The following ERI1 variants were observed in gnomAD, a reference collection of about 807,000 sequenced individuals.
ERI1 encodes 3'-5' exoribonuclease 1.
ERI1 carries 39 observed loss-of-function variants against 39.7 expected under a neutral mutation model. The ratio of observed to expected loss-of-function variants is 0.98; its 90% CI spans 0.76 to 1.28. The LOEUF (loss-of-function observed/expected upper bound fraction) is 1.28, where lower values mean the gene tolerates loss of function less well. Ranked by LOEUF, ERI1 falls within the 50% of genes most tolerant of loss-of-function variation. The pLI is 0.00. For synonymous variants in ERI1, 204 were observed against 149.6 expected (o/e 1.36, Z -2.65); for missense variants, 581 against 416.9 (o/e 1.39, Z -3.43).
Position 9,083,591 on chromosome 8 carries a change from C to T in ERI1, n.300-32757C>T, listed in dbSNP as rs1012503720. Among the ~76,000 whole-genome samples, 3 of 149,770 alleles carry T rather than the reference C, an allele frequency of 2.0e-5. 1 individual carries two copies. Among genetic ancestry groups the T allele is most frequent in the African/African-American group, 7.4e-5 (3 of 40,640 alleles). ...CCTCATGATGCTCACTTTGGCAGCA[C>T]ATATACTAAAATTGAAATGATACAG... On this transcript the variant is annotated intron_variant and non_coding_transcript_variant, in intron 3 of 3. Transcript: ENST00000518663.
intron 2 of ERI1, among the ~76,000 whole-genome samples, chr8:9,008,540 A>G (rs759851588): frequency 1.4e-4 from 22 of 152,218 alleles, no homozygotes; most frequent in Non-Finnish European, 2.4e-4. Context: ...ATCAGGTACA[A>G]TAAATTAAAA....
intron 3 of ERI1, among the ~76,000 whole-genome samples, chr8:9,093,210 G>C (rs970128822): frequency 6.6e-6 from 1 of 152,122 alleles, no homozygotes; most frequent in Admixed American, 6.5e-5. Flanking sequence ...TAATTGTCTT[G>C]GGCCGCACGT....
At position 9,032,794 on chromosome 8, in the gene ERI1, G is replaced by A. The variant is rs1160545883; in HGVS notation, c.*2760G>A. 2 of 152,200 alleles carry A rather than the reference G, an allele frequency of 1.3e-5. No homozygotes were observed. Among genetic ancestry groups the A allele is most frequent in the African/African-American group, 4.8e-5 (2 of 41,440 alleles). 9.4% of individuals were successfully genotyped at this position (152,200 alleles called of 1,614,324 possible). On this transcript the variant is annotated 3_prime_UTR_variant, in exon 7 of 7. Coordinates refer to ENST00000250263, the MANE Select transcript of ERI1 (RefSeq NM_153332.4). ...GAGGGGAAGAAGCACAGGTGGTCAA[G>A]ATAATAATGCATGTTTGGCCTCAGC...
chr8:9,034,641 C>T (rs966699273), downstream of ERI1, among the ~76,000 whole-genome samples: 1 of 152,006 alleles, frequency 6.6e-6, no homozygotes, highest in Non-Finnish European at 1.5e-5. Context: ...CCTCTCCAGA[C>T]CTACCTATTC....
chr8:9,049,485 A>G lies in ERI1; in HGVS notation n.299+29021A>G, dbSNP rs1464792569. On this transcript the variant is annotated intron_variant and non_coding_transcript_variant, in intron 3 of 3. Coordinates refer to the ERI1 transcript ENST00000518663. ...AGGGAGTGCGGGGAGTCCTGCAACT[A>G]GACCTTTGGATCTTGTCTTTATTTG... Among the ~76,000 whole-genome samples the G allele has an allele frequency of 1.3e-5, 2 of 151,610 alleles. 1 individual carries two copies. The highest frequency in any genetic ancestry group is 1.3e-4 in the Admixed American group (2 of 15,204).
chr8:9,039,708 T>C (rs753472552), intron 3 of ERI1, among the ~76,000 whole-genome samples: 5 of 152,204 alleles, frequency 3.3e-5, no homozygotes, highest in Middle Eastern at 3.2e-3. Context: ...GTTAATAATA[T>C]TAACTTTTAC....
chr8:9,013,700 C>T (rs1272158791), intron 3 of ERI1, among the ~76,000 whole-genome samples: 1 of 152,144 alleles, frequency 6.6e-6, no homozygotes, highest in African/African-American at 2.4e-5. Flanking sequence ...ACCTTTTGAA[C>T]TTACCCCAGC....
intron 3 of ERI1, among the ~76,000 whole-genome samples, chr8:9,061,597 G>C (rs998682646): frequency 6.6e-6 from 1 of 152,228 alleles, no homozygotes; most frequent in Non-Finnish European, 1.5e-5. Flanking sequence ...ACACAGTGCT[G>C]TCCCAGCTCT....
At chr8:9,048,988 T>C (rs1798267061) in intron 3 of ERI1, among the ~76,000 whole-genome samples, 1 of 151,696 alleles carries the variant, frequency 6.6e-6, no homozygotes, top group African/African-American at 2.4e-5. Context: ...TCAAGATAGG[T>C]GGAGGTGAGC....
intron 3 of ERI1, among the ~76,000 whole-genome samples, chr8:9,078,056 C>T (rs1009792618): frequency 1.3e-5 from 2 of 152,156 alleles, no homozygotes; most frequent in Admixed American, 1.3e-4. Flanking sequence ...GTGGAGTGAT[C>T]TCGGCTCACT....
intron 2 of ERI1, among the ~76,000 whole-genome samples, chr8:9,010,070 T>G (rs1816501808): frequency 6.6e-6 from 1 of 152,234 alleles, no homozygotes; most frequent in African/African-American, 2.4e-5. Context: ...TGGAGGCATT[T>G]GCCATGCTCA....
rs541982207 is a variant in ERI1, at chr8:9,092,290, T to G, written n.300-24058T>G. On this transcript the variant is annotated intron_variant and non_coding_transcript_variant, in intron 3 of 3. Transcript: ENST00000518663. ...TGTTTCAGCGATGGCATCCCCACAG[T>G]GTGAAGGATCTTAAGTGTGAAGACC... Among the ~76,000 whole-genome samples the G allele has an allele frequency of 3.9e-5, 6 of 152,242 alleles. No homozygotes were observed. The East Asian group carries it at 1.2e-3, about 29-fold the overall frequency.
chr8:9,071,441 A>G (rs1799047701), intron 3 of ERI1, among the ~76,000 whole-genome samples: 1 of 152,236 alleles, frequency 6.6e-6, no homozygotes, highest in Non-Finnish European at 1.5e-5. Context: ...TTAAGTTTCT[A>G]GTAATGCCAG....
downstream of ERI1, among the ~76,000 whole-genome samples, chr8:9,036,453 C>T (rs924686538): frequency 2.0e-5 from 3 of 152,158 alleles, no homozygotes; most frequent in African/African-American, 7.2e-5. Context: ...ATGATTGTTA[C>T]CTTTTTCTAG....
At chr8:9,070,175 G>C (rs1353270259) in intron 3 of ERI1, among the ~76,000 whole-genome samples, 1 of 151,802 alleles carries the variant, frequency 6.6e-6, no homozygotes, top group Non-Finnish European at 1.5e-5. Flanking sequence ...GGAGGCAGAG[G>C]TTGCAGTGAG....
At chr8:9,040,733 G>GT (rs1797990719) in intron 3 of ERI1, among the ~76,000 whole-genome samples, 1 of 144,998 alleles carries the variant, frequency 6.9e-6, no homozygotes, top group Admixed American at 6.8e-5. Context: ...TGTGTGTGGG[G>GT]GGGGGGTGTG....
At chr8:9,080,381 T>G (rs1799332358) in intron 3 of ERI1, among the ~76,000 whole-genome samples, 1 of 152,200 alleles carries the variant, frequency 6.6e-6, no homozygotes, top group East Asian at 1.9e-4. Flanking sequence ...CAGGATGGCT[T>G]GTGATGAGTC....
intron 3 of ERI1, among the ~76,000 whole-genome samples, chr8:9,098,309 C>G (rs1347186382): frequency 1.3e-5 from 2 of 152,186 alleles, no homozygotes; most frequent in Non-Finnish European, 2.9e-5. Context: ...CACCTGAGGT[C>G]AGGAGTTTGA....
chr8:9,079,294 C>G (rs1799302109), intron 3 of ERI1, among the ~76,000 whole-genome samples: 1 of 152,208 alleles, frequency 6.6e-6, no homozygotes, highest in African/African-American at 2.4e-5. Flanking sequence ...AAGCCCTGAT[C>G]TCCGGAGAAG....
Sources: allele counts gnomAD v4.1 joint callset (sites outside exome capture counted in the v4.1 genomes callset), GRCh38; gene constraint gnomAD v4.1.1; transcripts MANE v1.5; gene names NCBI Gene and HGNC (gene_info 2026-07-23, HGNC 2026-07-21).